The following AGMO variants were observed in gnomAD, a reference collection of about 807,000 sequenced individuals.
AGMO encodes alkylglycerol monooxygenase.
In AGMO, 75 loss-of-function variants were observed where a neutral mutation model predicts 60.2. That is an observed-to-expected ratio of 1.25 (90% CI 1.03 to 1.51). The LOEUF (loss-of-function observed/expected upper bound fraction) is 1.51. Ranked by LOEUF, AGMO falls within the 40% of genes most tolerant of loss-of-function variation. AGMO has a pLI of 0.00. For synonymous variants in AGMO, 261 were observed against 177.1 expected, an observed-to-expected ratio of 1.47 and a Z score of -3.76; for missense variants, 763 against 525.5, an observed-to-expected ratio of 1.45 and a Z score of -4.42.
At chr7:15,159,183 GA>G in the AGMO span, among the ~76,000 whole-genome samples, 1 of 152,096 alleles carries the variant, frequency 6.6e-6, no homozygotes, top group Non-Finnish European at 1.5e-5. Context: ...TGTGCACAAT[GA>G]AAGAAGAAAA....
At chr7:15,351,675 A>C (rs1782247492) in intron 12 of AGMO, among the ~76,000 whole-genome samples, 1 of 152,240 alleles carries the variant, frequency 6.6e-6, no homozygotes. Context: ...AAATAATGAC[A>C]TGTTCATGCA....
intron 3 of AGMO, among the ~76,000 whole-genome samples, chr7:15,483,483 G>A (rs1315759937): frequency 1.3e-5 from 2 of 152,022 alleles, no homozygotes; most frequent in African/African-American, 4.8e-5. Context: ...GGAGAATGGC[G>A]TGAACCCGGG....
intron 12 of AGMO, 135 bp downstream of exon 12, chr7:15,365,379 G>GAAAAAAAAAAAAAAAAAAAAA (rs1782929826): frequency 4.6e-6 from 1 of 217,794 alleles, no homozygotes; most frequent in African/African-American, 2.4e-4. Flanking sequence ...GTACTGGTAA[G>GAAAAAAAAAAAAAAAAAAAAA]TAAAAAAAAA....
At chr7:15,434,850 T>C (rs1302288582) in intron 3 of AGMO, among the ~76,000 whole-genome samples, 1 of 151,752 alleles carries the variant, frequency 6.6e-6, no homozygotes, top group Non-Finnish European at 1.5e-5. Flanking sequence ...TCGTCAAAAA[T>C]CCCTCACTCC....
intron 3 of AGMO, 82 bp downstream of exon 3, chr7:15,544,690 T>C (rs1784725317): frequency 8.9e-7 from 1 of 1,118,742 alleles, no homozygotes; most frequent in Admixed American, 3.0e-5. Context: ...ATTTATCCAT[T>C]CAATAAATGT....
chr7:15,209,406 G>GA (rs567236432), intron 12 of AGMO, among the ~76,000 whole-genome samples: 235 of 151,836 alleles, frequency 1.5e-3, no homozygotes, highest in African/African-American at 5.0e-3. Context: ...TTTTTTTAGG[G>GA]AAAAAATGCC....
rs774533541 is a variant in AGMO, at chr7:15,385,417, T to C, written c.1074+29A>G. On this transcript the variant is annotated intron_variant, in intron 10 of 12. Coordinates refer to ENST00000342526, the MANE Select transcript of AGMO (RefSeq NM_001004320.2). ...TCAAACAAAGTAACAGATAATGTTC[T>C]CACACTACTTAAAATGGATATTACT... The C allele has an allele frequency of 5.1e-5, 69 of 1,346,214 alleles. No individual in the cohort carries two copies. In the South Asian group the frequency reaches 7.7e-4, roughly 15 times the overall value. 83.4% of individuals were successfully genotyped at this position (1,346,214 alleles called of 1,614,324 possible). A position where few individuals can be genotyped will look rare whatever the true frequency, so the allele number is the denominator to read the frequency against.
At chr7:15,157,357 T>G in the AGMO span, among the ~76,000 whole-genome samples, 1 of 152,150 alleles carries the variant, frequency 6.6e-6, no homozygotes, top group South Asian at 2.1e-4. Flanking sequence ...ACAACTGTGA[T>G]CAGCCCATGA....
intron 3 of AGMO, among the ~76,000 whole-genome samples, chr7:15,531,861 G>T (rs1389582893): frequency 6.6e-6 from 1 of 151,362 alleles, no homozygotes; most frequent in Admixed American, 6.7e-5. Flanking sequence ...TAGAGACAGG[G>T]TTTCTCCATA....
chr7:15,164,663 T>C, the AGMO span, among the ~76,000 whole-genome samples: 105 of 152,136 alleles, frequency 6.9e-4, no homozygotes, highest in African/African-American at 2.4e-3. Flanking sequence ...AAATTTTTTT[T>C]CAGAGAAATG....
At chr7:15,515,814 T>C (rs1783794045) in intron 3 of AGMO, among the ~76,000 whole-genome samples, 2 of 152,234 alleles carry the variant, frequency 1.3e-5, no homozygotes, top group Admixed American at 1.3e-4. Context: ...CAGTTTTCTT[T>C]AGCCTGAGTT....
At chr7:15,136,515 T>C in the AGMO span, among the ~76,000 whole-genome samples, 43 of 152,274 alleles carry the variant, frequency 2.8e-4, no homozygotes, top group African/African-American at 1.0e-3. Flanking sequence ...AAAAGGAGCA[T>C]TTACATTATT....
At chr7:15,451,003 T>C (rs1369910349) in intron 3 of AGMO, among the ~76,000 whole-genome samples, 1 of 152,174 alleles carries the variant, frequency 6.6e-6, no homozygotes, top group Non-Finnish European at 1.5e-5. Context: ...TTGTTTTATA[T>C]CTGTGAATAA....
chr7:15,516,808 A>G (rs1204575186), intron 3 of AGMO, among the ~76,000 whole-genome samples: 1 of 151,262 alleles, frequency 6.6e-6, no homozygotes, highest in African/African-American at 2.4e-5. Flanking sequence ...TTTCTGCAGG[A>G]TATCGGTGAG....
intron 5 of AGMO, among the ~76,000 whole-genome samples, chr7:15,416,627 C>T (rs1262160044): frequency 6.6e-6 from 1 of 152,038 alleles, no homozygotes; most frequent in African/African-American, 2.4e-5. Flanking sequence ...CAGGAATATG[C>T]AGGGCTCTTT....
At chr7:15,511,902 G>A (rs915853658) in intron 3 of AGMO, among the ~76,000 whole-genome samples, 1 of 151,934 alleles carries the variant, frequency 6.6e-6, no homozygotes, top group African/African-American at 2.4e-5. Context: ...CACTGGCCAA[G>A]GAGAGAAGCC....
At chr7:15,267,672 G>C (rs1783474091) in intron 12 of AGMO, among the ~76,000 whole-genome samples, 1 of 151,840 alleles carries the variant, frequency 6.6e-6, no homozygotes, top group Admixed American at 6.6e-5. Context: ...CCATTTTAAT[G>C]AGTAAGAGAA....
chr7:15,266,334 T>C lies in AGMO; in HGVS notation c.1264-64975A>G, dbSNP rs139902331. 6.3e-3 allele frequency among the ~76,000 whole-genome samples: 954 copies of C among 152,098 alleles called. 13 individuals are homozygous for C. The highest frequency in any genetic ancestry group is 0.021 in the African/African-American group (870 of 41,524). ...TTCATTATAAATGTACATCCTCTCA[T>C]TGAAATAAACAAAAATTGTCAAGAT... On this transcript the variant is annotated intron_variant, in intron 12 of 12. Transcript: ENST00000342526.
chr7:15,493,596 C>T (rs537297282), intron 3 of AGMO, among the ~76,000 whole-genome samples: 2 of 151,686 alleles, frequency 1.3e-5, no homozygotes, highest in South Asian at 2.1e-4. Flanking sequence ...AGGATGGTCT[C>T]GATCTCCTGA....
Sources: gnomAD v4.1 joint callset for allele counts (sites outside exome capture counted in the v4.1 genomes callset) on GRCh38, gnomAD v4.1.1 for gene constraint, MANE v1.5 for transcripts, NCBI Gene and HGNC (gene_info 2026-07-23, HGNC 2026-07-21) for gene names.